GREB1: variants seen among roughly 807,000 people sequenced by gnomAD.
GREB1 encodes protein GREB1.
GREB1 carries 106 observed loss-of-function variants against 200.7 expected under a neutral mutation model. The observed-to-expected ratio is 0.53, with a 90% CI of 0.45 to 0.62. The LOEUF (loss-of-function observed/expected upper bound fraction) is 0.62. Ranked by LOEUF, GREB1 falls within the 20% of genes least tolerant of loss-of-function variation. The pLI is 0.00. For missense variants in GREB1, 2,243 were observed against 2,556.8 expected, an observed-to-expected ratio of 0.88 and a Z score of 2.65; for synonymous variants, 1,132 against 1,092.4, an observed-to-expected ratio of 1.04 and a Z score of -0.72.
At position 11,576,435 on chromosome 2, in the gene GREB1, GA is replaced by G; in HGVS notation, c.538del (p.Thr180ProfsTer10). On this transcript the variant is annotated frameshift_variant, in exon 5 of 33. Transcript: ENST00000381486. LOFTEE classifies it high-confidence loss of function. ...EFSNHINLKL[T>X]TQPKKQKHLK... ...TCTCCAATCATATAAATCTGAAACT[GA>G]CCACTCAACCCAAGAAGCAGAAACA... 6.2e-7 allele frequency: 1 copy of G among 1,613,888 alleles called. No individual in the cohort carries two copies. The highest frequency in any genetic ancestry group is 8.5e-7 in the Non-Finnish European group (1 of 1,179,754).
chr2:11,552,729 T>C lies in GREB1; in HGVS notation c.-161-3725T>C, dbSNP rs184452165. On this transcript the variant is annotated intron_variant, in intron 1 of 32. Coordinates refer to ENST00000381486, the MANE Select transcript of GREB1 (RefSeq NM_014668.4). ...ATGGAATAACAAAAAGAGCCGCAGT[T>C]GGCCGGGCGCGGTGGCTCACGCCTG... is the stretch of plus-strand genomic sequence containing the variant. Among the ~76,000 whole-genome samples, 497 of 152,200 alleles carry C rather than the reference T, an allele frequency of 3.3e-3. 1 individual carries two copies. Among genetic ancestry groups the C allele is most frequent in the African/African-American group, 0.012 (482 of 41,516 alleles).
intron 10 of GREB1, chr2:11,591,457 A>G (rs180989255): frequency 2.2e-5 from 16 of 719,606 alleles, no homozygotes; most frequent in Admixed American, 1.4e-4. Flanking sequence ...AAATACCAGA[A>G]GGAAACAAAT....
intron 1 of GREB1, among the ~76,000 whole-genome samples, chr2:11,504,943 T>A (rs890833991): frequency 2.6e-5 from 4 of 152,224 alleles, no homozygotes; most frequent in Non-Finnish European, 4.4e-5. Flanking sequence ...AATTTAATTT[T>A]ATTTTTTGAG....
At chr2:11,618,119 T>C (rs1029974776) in intron 21 of GREB1, among the ~76,000 whole-genome samples, 169 bp from the exon 22 acceptor site, 8 of 151,936 alleles carry the variant, frequency 5.3e-5, no homozygotes, top group Admixed American at 1.3e-4. Flanking sequence ...CTGGGACGAG[T>C]CGCCCCTGAG....
rs760496327 is a variant in GREB1 at position 11,578,280 on chromosome 2, G to A, written c.638-17G>A. ...GAAGAGCGAGTTGGTTTTCACGTGT[G>A]CACCTTGCCCCCTTAGAGTTTAGAA... On this transcript the variant is annotated splice_polypyrimidine_tract_variant and intron_variant, in intron 5 of 32. Transcript: ENST00000381486. 1.9e-6 allele frequency: 3 copies of A among 1,606,672 alleles called. No individual in the cohort carries two copies. The highest frequency in any genetic ancestry group is 1.7e-6 in the Non-Finnish European group (2 of 1,174,168).
intron 1 of GREB1, among the ~76,000 whole-genome samples, chr2:11,488,463 G>A (rs1310629591): frequency 1.3e-5 from 2 of 152,150 alleles, no homozygotes; most frequent in Admixed American, 1.3e-4. Context: ...TGTTGATCAG[G>A]AACTCTGACT....
intron 3 of GREB1, 83 bp downstream of exon 3, chr2:11,562,665 C>A (rs1677194800): frequency 1.4e-6 from 2 of 1,438,324 alleles, no homozygotes; most frequent in Admixed American, 4.7e-5. Flanking sequence ...GGGCCTGTGA[C>A]TGTGTGCTGC....
intron 19 of GREB1, among the ~76,000 whole-genome samples, chr2:11,613,196 G>T (rs906704846): frequency 5.9e-5 from 9 of 152,166 alleles, no homozygotes; most frequent in Non-Finnish European, 1.5e-5. Context: ...GTCCGCTGGT[G>T]TGGGGGGTCT....
intron 1 of GREB1, among the ~76,000 whole-genome samples, chr2:11,491,702 G>T (rs1047213809): frequency 6.6e-6 from 1 of 152,124 alleles, no homozygotes; most frequent in Admixed American, 6.5e-5. Flanking sequence ...CATGTAGTAG[G>T]TCTTAAGTAA....
intron 17 of GREB1, among the ~76,000 whole-genome samples, chr2:11,603,278 C>A (rs1390733390): frequency 1.3e-5 from 2 of 152,222 alleles, no homozygotes; most frequent in African/African-American, 4.8e-5. Context: ...TGCCACTGAA[C>A]AAAATACCAC....
intron 23 of GREB1, among the ~76,000 whole-genome samples, chr2:11,623,889 G>A (rs1472952636): frequency 2.0e-5 from 3 of 152,012 alleles, no homozygotes; most frequent in Non-Finnish European, 4.4e-5. Flanking sequence ...GTGACAGAGC[G>A]AGACTCTGTC....
At chr2:11,533,261 A>G (rs1324529736), upstream of GREB1, among the ~76,000 whole-genome samples, 1 of 152,234 alleles carries the variant, frequency 6.6e-6, no homozygotes, top group Non-Finnish European at 1.5e-5. Context: ...ATGGAGGAAT[A>G]TGTTTATGAT....
At chr2:11,621,106 G>C (rs1045944723) in intron 23 of GREB1, 99 bp downstream of exon 23, 4 of 782,586 alleles carry the variant, frequency 5.1e-6, no homozygotes, top group Non-Finnish European at 6.8e-6. Context: ...GGAATTCTCA[G>C]ATTCATGATC....
intron 10 of GREB1, among the ~76,000 whole-genome samples, 165 bp from the exon 11 acceptor site, chr2:11,592,611 G>A (rs368418405): frequency 6.6e-6 from 1 of 152,300 alleles, no homozygotes; most frequent in African/African-American, 2.4e-5. Flanking sequence ...CTGTTAGGAC[G>A]GTGGTGAGAT....
intron 1 of GREB1, among the ~76,000 whole-genome samples, chr2:11,520,517 T>C (rs1478762474): frequency 6.6e-6 from 1 of 152,188 alleles, no homozygotes; most frequent in East Asian, 1.9e-4. Context: ...TAGAGGCCAC[T>C]CACATTTCTT....
At chr2:11,607,079 C>G (rs1371783527) in intron 17 of GREB1, among the ~76,000 whole-genome samples, 3 of 151,690 alleles carry the variant, frequency 2.0e-5, no homozygotes, top group African/African-American at 4.8e-5. Context: ...CCATGCCTTG[C>G]CTATTATTAT....
chr2:11,598,946 A>C (rs1681512137), intron 15 of GREB1, 86 bp downstream of exon 15: 5 of 1,125,652 alleles, frequency 4.4e-6, no homozygotes, highest in Non-Finnish European at 6.6e-6. Context: ...GAGGGTACAA[A>C]TCCTGAAAAG....
intron 11 of GREB1, 62 bp from the exon 12 acceptor site, chr2:11,595,189 G>T: frequency 6.7e-7 from 1 of 1,500,202 alleles, no homozygotes; most frequent in Non-Finnish European, 9.1e-7. Flanking sequence ...ACTAGTCTAG[G>T]GCTACACAGC....
At chr2:11,525,000 C>T (rs979696305) in intron 1 of GREB1, among the ~76,000 whole-genome samples, 2 of 152,162 alleles carry the variant, frequency 1.3e-5, no homozygotes, top group Non-Finnish European at 2.9e-5. Context: ...AAGCGGACTA[C>T]ACTTGCTGCC....
Sources: allele counts gnomAD v4.1 joint callset (sites outside exome capture counted in the v4.1 genomes callset), GRCh38; gene constraint gnomAD v4.1.1; transcripts MANE v1.5; gene names NCBI Gene and HGNC (gene_info 2026-07-23, HGNC 2026-07-21).